The following EML4 variants were observed in gnomAD, a reference collection of about 807,000 sequenced individuals.
EML4 encodes the protein EMAP like 4.
EML4 carries 72 observed loss-of-function variants against 129.0 expected under a neutral mutation model. The observed-to-expected ratio is 0.56, with a 90% CI of 0.46 to 0.68. EML4 has a LOEUF of 0.68. EML4 is among the 30% of genes least tolerant of loss of function. EML4 has a pLI of 0.00. For missense variants in EML4, 1,363 were observed against 1,190.6 expected (o/e 1.14, Z -2.13); for synonymous variants, 532 against 405.0 (o/e 1.31, Z -3.77).
At chr2:42,288,817 G>A (rs1463512286) in intron 11 of EML4, 5 of 152,316 alleles carry the variant, frequency 3.3e-5, no homozygotes, top group Non-Finnish European at 7.3e-5. Flanking sequence ...ACTCTTTACA[G>A]TACAAGGGTT....
Position 42,325,482 on chromosome 2 carries a change from A to C in EML4, c.2170A>C (p.Ile724Leu), listed in dbSNP as rs1463295182. ...TATTTTCTAGGGACATTCCAGCTAC[A>C]TCACACACCTTGACTGGTCCCCAGA... ...YGRCTGHSSY[I>L]THLDWSPDNK... is the part of the protein sequence containing the mutation. The change falls in exon 20 of 23, where the codon ATC becomes CTC. Residue 724 changes from isoleucine to leucine, a missense_variant. Ile to Leu is a conservative substitution (Grantham distance 5). Coordinates refer to ENST00000318522, the MANE Select transcript of EML4 (RefSeq NM_019063.5). The C allele has an allele frequency of 6.4e-7, 1 of 1,563,628 alleles. No homozygotes were observed. Among genetic ancestry groups the C allele is most frequent in the Non-Finnish European group, 8.8e-7 (1 of 1,139,764 alleles).
rs1001549858 is a variant in EML4 at position 42,226,827 on chromosome 2, A to G, written c.26-18678A>G. On this transcript the variant is annotated intron_variant, in intron 1 of 22. Transcript: ENST00000318522. Reference sequence around the variant, plus strand: ...CCACAGTATTTACATGTATCACAGTATCATGTTATACACCATAAATATATA... The same window carrying G: ...CCACAGTATTTACATGTATCACAGTGTCATGTTATACACCATAAATATATA... Among the ~76,000 whole-genome samples the G allele has an allele frequency of 2.0e-5, 3 of 152,280 alleles. No homozygotes were observed. The Middle Eastern group carries it at 0.01, about 518-fold the overall frequency.
chr2:42,266,664 TTTAAA>T (rs1320763375), intron 6 of EML4, among the ~76,000 whole-genome samples: 3 of 152,042 alleles, frequency 2.0e-5, no homozygotes, highest in Non-Finnish European at 2.9e-5. Context: ...TTTTTTTTTT[TTTAAA>T]TAGAGTCGGC....
At chr2:42,224,471 T>C in intron 1 of EML4, among the ~76,000 whole-genome samples, 1 of 152,188 alleles carries the variant, frequency 6.6e-6, no homozygotes, top group East Asian at 1.9e-4. Context: ...ATTTGGGTTA[T>C]TTCTACTTTT....
chr2:42,300,153 G>T (rs1287361759), intron 13 of EML4, among the ~76,000 whole-genome samples: 1 of 152,186 alleles, frequency 6.6e-6, no homozygotes, highest in East Asian at 1.9e-4. Context: ...TGTTAAACCT[G>T]AATTTTTTCA....
At chr2:42,298,943 A>G (rs1321849826) in intron 13 of EML4, among the ~76,000 whole-genome samples, 1 of 152,112 alleles carries the variant, frequency 6.6e-6, no homozygotes, top group Non-Finnish European at 1.5e-5. Flanking sequence ...CTCTATTTTT[A>G]TTATCCAAAT....
chr2:42,314,506 T>A (rs1241951926), intron 17 of EML4, among the ~76,000 whole-genome samples: 1 of 152,250 alleles, frequency 6.6e-6, no homozygotes, highest in Non-Finnish European at 1.5e-5. Context: ...ATGTGAATAC[T>A]TGAGTTTAAA....
intron 1 of EML4, among the ~76,000 whole-genome samples, chr2:42,181,796 C>T (rs1443802116): frequency 6.6e-6 from 1 of 151,984 alleles, no homozygotes; most frequent in African/African-American, 2.4e-5. Flanking sequence ...TGCTCCAGCC[C>T]TAGAATCAGC....
rs1673321271 is a variant in EML4, at chr2:42,218,153, T to C, written c.26-27352T>C. 2.0e-5 allele frequency among the ~76,000 whole-genome samples: 3 copies of C among 152,296 alleles called. No individual in the cohort carries two copies. In the South Asian group the frequency reaches 6.2e-4, roughly 32 times the overall value. On this transcript the variant is annotated intron_variant, in intron 1 of 22. Transcript: ENST00000318522. The stretch of plus-strand genomic sequence containing the variant: ...ATCACTCTCATTACCACCTACGCTT[T>C]GCCTTCTGTCAGATCAGTGGCATTA...
In EML4 at chr2:42,330,138, C is replaced by T. The variant is rs150747163; in HGVS notation, c.2877C>T (p.Asn959=). 2.4e-5 allele frequency: 38 copies of T among 1,612,034 alleles called. No homozygotes were observed. The highest frequency in any genetic ancestry group is 1.2e-4 in the African/African-American group (9 of 74,160). Residue 959 remains asparagine (N), a synonymous_variant, in exon 23 of 23, where the codon AAC becomes AAT. Coordinates refer to ENST00000318522, the MANE Select transcript of EML4 (RefSeq NM_019063.5). ...LGEPLYEEPC[N]EISKEQAKAT... is the part of the protein sequence containing the mutation. Reference sequence around the variant, plus strand: ...AGCCTCTTTATGAAGAGCCATGCAACGAGATAAGCAAGGAGCAGGCCAAAG... The same window carrying T: ...AGCCTCTTTATGAAGAGCCATGCAATGAGATAAGCAAGGAGCAGGCCAAAG...
chr2:42,304,688 A>G (rs1165736841), intron 17 of EML4, 137 bp downstream of exon 17: 2 of 689,082 alleles, frequency 2.9e-6, no homozygotes, highest in South Asian at 3.6e-5. Flanking sequence ...TCCGTTTTGT[A>G]TATTCATAGA....
chr2:42,193,679 CT>C (rs879587031), intron 1 of EML4, among the ~76,000 whole-genome samples: 112 of 144,826 alleles, frequency 7.7e-4, no homozygotes, highest in Admixed American at 8.3e-4. Flanking sequence ...TATAGGCGTT[CT>C]TTTTTTTTTT....
At chr2:42,272,761 G>T (rs13430111) in intron 6 of EML4, among the ~76,000 whole-genome samples, 20,757 of 152,100 alleles carry the variant, frequency 0.14, 1,421 homozygotes, top group East Asian at 0.17. Flanking sequence ...ATACGTATAA[G>T]ATTAGAACGT....
At chr2:42,238,266 T>C (rs1674800063) in intron 1 of EML4, among the ~76,000 whole-genome samples, 1 of 152,210 alleles carries the variant, frequency 6.6e-6, no homozygotes, top group Admixed American at 6.5e-5. Context: ...CAACCTGTAA[T>C]ATGTTTTTAA....
chr2:42,183,191 C>G (rs1671048618), intron 1 of EML4, among the ~76,000 whole-genome samples: 1 of 152,122 alleles, frequency 6.6e-6, no homozygotes, highest in African/African-American at 2.4e-5. Flanking sequence ...AATGATTTAA[C>G]AAATATTTAT....
chr2:42,309,229 G>A (rs7601066), intron 17 of EML4, among the ~76,000 whole-genome samples: 71,336 of 151,110 alleles, frequency 0.47, 17,315 homozygotes, highest in East Asian at 0.74. Context: ...AATATAGCAA[G>A]ACCTTGCCTC....
chr2:42,256,741 T>C, intron 3 of EML4, 111 bp downstream of exon 3: 1 of 1,333,234 alleles, frequency 7.5e-7, no homozygotes, highest in Non-Finnish European at 1.0e-6. Context: ...CAAGTGAGCA[T>C]GTCCTTTGAA....
intron 1 of EML4, among the ~76,000 whole-genome samples, chr2:42,233,078 T>C (rs1175849726): frequency 1.3e-5 from 2 of 152,146 alleles, no homozygotes; most frequent in Admixed American, 1.3e-4. Context: ...CCAATGTCTT[T>C]TATCAGCTTT....
intron 6 of EML4, among the ~76,000 whole-genome samples, chr2:42,280,063 T>C (rs973688881): frequency 6.6e-6 from 1 of 152,200 alleles, no homozygotes. Flanking sequence ...AGGTGGCCTT[T>C]TTATTGTTGA....
Sources: allele counts gnomAD v4.1 joint callset (sites outside exome capture counted in the v4.1 genomes callset), GRCh38; gene constraint gnomAD v4.1.1; transcripts MANE v1.5; gene names NCBI Gene and HGNC (gene_info 2026-07-23, HGNC 2026-07-21).